MTMR7: variants seen among roughly 807,000 people sequenced by gnomAD.
MTMR7 encodes the protein myotubularin related protein 7, also known as phosphatidylinositol-3-phosphate phosphatase MTMR7.
MTMR7 carries 76 observed loss-of-function variants against 81.2 expected under a neutral mutation model. The observed-to-expected ratio is 0.94, with a 90% confidence interval of 0.78 to 1.13. MTMR7 has a LOEUF of 1.13. Among genes scored for constraint, MTMR7 ranks in the 50% most tolerant of loss-of-function variants. The probability of loss-of-function intolerance (pLI) is 0.00; values close to 1 mark genes in which losing one functional copy is unlikely to be tolerated. For synonymous variants in MTMR7, 372 were observed against 289.8 expected, an observed-to-expected ratio of 1.28 and a Z score of -2.88; for missense variants, 1,044 against 820.0, an observed-to-expected ratio of 1.27 and a Z score of -3.34.
chr8:17,345,530 C>T (rs1586225561), intron 5 of MTMR7, among the ~76,000 whole-genome samples: 1 of 152,348 alleles, frequency 6.6e-6, no homozygotes, highest in African/African-American at 2.4e-5. Flanking sequence ...GTTCATCTCA[C>T]CTGCCCAGTG....
intron 1 of MTMR7, among the ~76,000 whole-genome samples, chr8:17,408,395 CA>C (rs530240881): frequency 0.058 from 1,357 of 23,498 alleles, 24 homozygotes; most frequent in African/African-American, 0.12. Flanking sequence ...GACTCCGTCT[CA>C]AAAAAAAAAA....
intron 7 of MTMR7, among the ~76,000 whole-genome samples, chr8:17,319,123 G>C (rs1408656636): frequency 6.6e-6 from 1 of 152,184 alleles, no homozygotes; most frequent in African/African-American, 2.4e-5. Flanking sequence ...ATATACGCAT[G>C]GGCAATAGCA....
intron 1 of MTMR7, among the ~76,000 whole-genome samples, chr8:17,396,355 G>C (rs1213294109): frequency 1.3e-5 from 2 of 152,174 alleles, no homozygotes. Flanking sequence ...GAATTGCCGA[G>C]GCAACCTGTC....
At chr8:17,367,782 C>T (rs1040137644) in intron 3 of MTMR7, among the ~76,000 whole-genome samples, 2 of 152,086 alleles carry the variant, frequency 1.3e-5, no homozygotes, top group Non-Finnish European at 2.9e-5. Flanking sequence ...TAAAACACCT[C>T]ACACCTCTGT....
chr8:17,327,406 G>T (rs986873619), intron 7 of MTMR7, among the ~76,000 whole-genome samples: 1 of 151,878 alleles, frequency 6.6e-6, no homozygotes, highest in Non-Finnish European at 1.5e-5. Context: ...GAGCAGCTGG[G>T]ACTACAGGCA....
intron 1 of MTMR7, among the ~76,000 whole-genome samples, chr8:17,376,983 T>C (rs1213538543): frequency 2.0e-5 from 3 of 152,136 alleles, no homozygotes; most frequent in African/African-American, 7.2e-5. Context: ...ACGTAATTCA[T>C]ACACAGTCAT....
At chr8:17,301,956 A>G in intron 13 of MTMR7, 198 bp downstream of exon 13, 1 of 574,108 alleles carries the variant, frequency 1.7e-6, no homozygotes, top group Non-Finnish European at 2.9e-6. Context: ...CACAAACCAG[A>G]TGTGTGAAAT....
chr8:17,347,785 A>G lies in MTMR7; in HGVS notation c.597+1168T>C, dbSNP rs200512740. On this transcript the variant is annotated intron_variant, in intron 5 of 13. Coordinates refer to ENST00000180173, the MANE Select transcript of MTMR7 (RefSeq NM_004686.5). ...GTTTTAGCTATTTTAATGGCCACCC[A>G]TAACACTGTACTTCCACACCTGCCC... 3.9e-5 allele frequency among the ~76,000 whole-genome samples: 6 copies of G among 152,206 alleles called. 1 individual carries two copies. In the East Asian group the frequency reaches 9.6e-4, roughly 24 times the overall value.
intron 2 of MTMR7, among the ~76,000 whole-genome samples, chr8:17,372,661 G>A (rs887291112): frequency 6.6e-6 from 1 of 151,974 alleles, no homozygotes; most frequent in Non-Finnish European, 1.5e-5. Context: ...TTAATAAGTA[G>A]GAGAAATACC....
intron 1 of MTMR7, among the ~76,000 whole-genome samples, chr8:17,377,404 C>T (rs1311364377): frequency 6.6e-6 from 1 of 152,162 alleles, no homozygotes; most frequent in South Asian, 2.1e-4. Flanking sequence ...TATCCCTTCC[C>T]TCATTCCTAA....
chr8:17,317,531 C>T (rs1017406748), intron 7 of MTMR7, among the ~76,000 whole-genome samples: 1 of 152,154 alleles, frequency 6.6e-6, no homozygotes, highest in Admixed American at 6.6e-5. Flanking sequence ...ACTCCTGATC[C>T]CAGAGTCCCT....
At chr8:17,306,927 TA>T (rs11310836) in intron 10 of MTMR7, among the ~76,000 whole-genome samples, 104,254 of 152,030 alleles carry the variant, frequency 0.69, 36,384 homozygotes, top group African/African-American at 0.8. Flanking sequence ...CCTAAAACTA[TA>T]AAAAACCCTA....
At chr8:17,338,392 G>T (rs139063425) in intron 6 of MTMR7, among the ~76,000 whole-genome samples, 1 of 152,192 alleles carries the variant, frequency 6.6e-6, no homozygotes, top group East Asian at 1.9e-4. Context: ...ATTAGTAGGT[G>T]AATCTGTCTG....
chr8:17,395,530 T>C (rs1041332971), intron 1 of MTMR7, among the ~76,000 whole-genome samples: 1 of 152,202 alleles, frequency 6.6e-6, no homozygotes, highest in African/African-American at 2.4e-5. Flanking sequence ...GTTTACATTA[T>C]CACCAACAAT....
Position 17,396,674 on chromosome 8 carries a change from C to G in MTMR7, c.24+16595G>C, listed in dbSNP as rs769005273. ...GGGACACAGGACTGCAACTCCTAGT[C>G]AAGTCCTAATGCTGGGCTGGCTTTA... On this transcript the variant is annotated intron_variant, in intron 1 of 13. Transcript: ENST00000180173. 3.3e-5 allele frequency among the ~76,000 whole-genome samples: 5 copies of G among 152,022 alleles called. No individual in the cohort carries two copies. The South Asian group carries it at 6.2e-4, about 19-fold the overall frequency.
rs375566255 is a variant in MTMR7, at chr8:17,371,185, C to G, written c.162G>C (p.Gln54His). Residue 54 changes from glutamine (Q) to histidine (H), a missense_variant, in exon 3 of 14, where the codon CAG becomes CAC. Transcript: ENST00000180173. Reference sequence around the variant, plus strand: ...TTGCCTGTTTCTCAATGGTGGAAATCTGACTGTGAAGAATCTAGAACCAAA... The same window carrying G: ...TTGCCTGTTTCTCAATGGTGGAAATGTGACTGTGAAGAATCTAGAACCAAA... ...PRKETWILHS[Q>H]ISTIEKQATT... 30 of 1,614,080 alleles carry G rather than the reference C, an allele frequency of 1.9e-5. No individual in the cohort carries two copies. In the African/African-American group the frequency reaches 3.1e-4, roughly 16 times the overall value.
intron 7 of MTMR7, among the ~76,000 whole-genome samples, chr8:17,318,845 C>CCCTGCTG (rs1173464896): frequency 6.6e-6 from 1 of 152,204 alleles, no homozygotes; most frequent in Non-Finnish European, 1.5e-5. Flanking sequence ...CCTCTCCAGC[C>CCCTGCTG]CCTGCTGCAG....
intron 6 of MTMR7, among the ~76,000 whole-genome samples, 192 bp downstream of exon 6, chr8:17,341,171 T>C (rs111407345): frequency 1.3e-5 from 2 of 152,212 alleles, no homozygotes; most frequent in African/African-American, 2.4e-5. Flanking sequence ...TGTACTTGTA[T>C]AGTTGGAGGC....
At chr8:17,302,077 C>A in intron 13 of MTMR7, 77 bp downstream of exon 13, 1 of 1,581,174 alleles carries the variant, frequency 6.3e-7, no homozygotes, top group Non-Finnish European at 8.7e-7. Flanking sequence ...TGCACTGAAT[C>A]TTAAGAGGCT....
Sources: gnomAD v4.1 joint callset for allele counts (sites outside exome capture counted in the v4.1 genomes callset) on GRCh38, gnomAD v4.1.1 for gene constraint, MANE v1.5 for transcripts, NCBI Gene and HGNC (gene_info 2026-07-23, HGNC 2026-07-21) for gene names.